The following MSH3 variants were observed in gnomAD, a reference collection of about 807,000 sequenced individuals.
MSH3 encodes mutS homolog 3.
Under a neutral mutation model 123.3 loss-of-function variants are expected in MSH3, and 106 were observed. The ratio of observed to expected loss-of-function variants is 0.86; its 90% CI spans 0.73 to 1.01. The LOEUF (loss-of-function observed/expected upper bound fraction) is 1.01. MSH3 is among the 50% of genes least tolerant of loss of function. The pLI is 0.00. For synonymous variants in MSH3, 515 were observed against 481.4 expected (o/e 1.07, Z -0.91); for missense variants, 1,459 against 1,347.6 (o/e 1.08, Z -1.29).
At chr5:80,751,173 C>T (rs954878505) in intron 12 of MSH3, among the ~76,000 whole-genome samples, 1 of 152,058 alleles carries the variant, frequency 6.6e-6, no homozygotes, top group Non-Finnish European at 1.5e-5. Context: ...GAGCATGTCT[C>T]AATAGGATGT....
chr5:80,803,509 C>A (rs1336904316), intron 19 of MSH3, among the ~76,000 whole-genome samples: 1 of 101,898 alleles, frequency 9.8e-6, no homozygotes, highest in African/African-American at 3.2e-5. Context: ...ATATTTTCTC[C>A]CATTCTGTGG....
intron 8 of MSH3, among the ~76,000 whole-genome samples, chr5:80,684,071 A>ATTTTGG (rs1750031015): frequency 6.6e-6 from 1 of 152,008 alleles, no homozygotes; most frequent in Non-Finnish European, 1.5e-5. Flanking sequence ...GTACCATGCC[A>ATTTTGG]TTTTGGTTAC....
intron 21 of MSH3, 30 bp downstream of exon 21, chr5:80,854,346 G>C (rs957327358): frequency 6.4e-7 from 1 of 1,573,602 alleles, no homozygotes; most frequent in Middle Eastern, 1.7e-4. Flanking sequence ...TATTTAAAAA[G>C]AAATTAATTT....
chr5:80,780,682 G>A (rs1744394829), intron 17 of MSH3, among the ~76,000 whole-genome samples: 1 of 152,146 alleles, frequency 6.6e-6, no homozygotes, highest in Admixed American at 6.5e-5. Context: ...GCCTGGCCAA[G>A]ATGGTGAAAC....
At chr5:80,858,159 C>T (rs1203012486) in intron 21 of MSH3, among the ~76,000 whole-genome samples, 1 of 152,174 alleles carries the variant, frequency 6.6e-6, no homozygotes, top group African/African-American at 2.4e-5. Flanking sequence ...ATCCTTCTGC[C>T]TCAGCCTCCC....
chr5:80,778,980 C>CTTTTTTTTTTTTTTTTTATTTT, intron 17 of MSH3, 144 bp downstream of exon 17: 1 of 393,994 alleles, frequency 2.5e-6, no homozygotes, highest in Non-Finnish European at 4.5e-6. Flanking sequence ...GATTTTATTT[C>CTTTTTTTTTTTTTTTTTATTTT]TTTTTTTTTT....
chr5:80,767,030 G>A (rs1177634391), intron 13 of MSH3, among the ~76,000 whole-genome samples: 1 of 152,046 alleles, frequency 6.6e-6, no homozygotes, highest in African/African-American at 2.4e-5. Context: ...TTCAATGTAT[G>A]TTGAAATTAT....
chr5:80,826,640 C>G (rs1185954294), intron 20 of MSH3, among the ~76,000 whole-genome samples: 1 of 150,998 alleles, frequency 6.6e-6, no homozygotes. Context: ...CCTCTACCTC[C>G]TGGGTTCAAG....
intron 3 of MSH3, among the ~76,000 whole-genome samples, chr5:80,668,903 C>T (rs745586664): frequency 4.6e-5 from 7 of 152,218 alleles, no homozygotes; most frequent in Non-Finnish European, 1.0e-4. Context: ...GGGGGCGAGG[C>T]TTCTTCCACC....
Position 80,654,813 on chromosome 5 carries a change from A to C in MSH3, c.86A>C (p.Gln29Pro). 2.5e-6 allele frequency: 4 copies of C among 1,605,700 alleles called. No homozygotes were observed. The highest frequency in any genetic ancestry group is 3.4e-6 in the Non-Finnish European group (4 of 1,177,010). Residue 29 changes from glutamine to proline, a missense_variant, in exon 1 of 24, where the codon CAG becomes CCG. Gln to Pro is a moderately conservative substitution (Grantham distance 76). Transcript: ENST00000265081. ...ARQAVLSRFF[Q>P]STGSLKSTSS... ...CAAGCGGTTTTGAGCCGATTCTTCC[A>C]GTCTACGGGAAGCCTGAAATCCACC...
intron 8 of MSH3, among the ~76,000 whole-genome samples, chr5:80,686,166 G>A (rs1750084205): frequency 6.6e-6 from 1 of 152,180 alleles, no homozygotes; most frequent in Non-Finnish European, 1.5e-5. Flanking sequence ...ACCATTGAAT[G>A]AAATGTTCTC....
chr5:80,697,349 T>C (rs1750506207), intron 8 of MSH3, among the ~76,000 whole-genome samples: 1 of 152,248 alleles, frequency 6.6e-6, no homozygotes, highest in African/African-American at 2.4e-5. Context: ...TTTACTTACC[T>C]GATATAATTT....
chr5:80,850,689 A>T (rs970975104), intron 20 of MSH3, among the ~76,000 whole-genome samples: 3 of 152,328 alleles, frequency 2.0e-5, no homozygotes, highest in South Asian at 4.2e-4. Context: ...CTCCCACAAC[A>T]TGTGGGAATT....
At chr5:80,737,269 T>C (rs1272006890) in intron 10 of MSH3, among the ~76,000 whole-genome samples, 1 of 152,226 alleles carries the variant, frequency 6.6e-6, no homozygotes, top group Non-Finnish European at 1.5e-5. Flanking sequence ...TGGTAGTTTT[T>C]GTCATTGTTT....
intron 15 of MSH3, among the ~76,000 whole-genome samples, chr5:80,771,333 G>A (rs1035934451): frequency 1.3e-5 from 2 of 152,014 alleles, no homozygotes; most frequent in African/African-American, 4.8e-5. Context: ...TATAAAATTA[G>A]CCAGGCATAG....
chr5:80,850,775 C>T (rs537416462), intron 20 of MSH3, among the ~76,000 whole-genome samples: 1 of 152,274 alleles, frequency 6.6e-6, no homozygotes, highest in African/African-American at 2.4e-5. Flanking sequence ...TTTTTATCCA[C>T]TTCCTCTATG....
At chr5:80,656,369 A>G (rs770591677) in intron 1 of MSH3, 42 bp from the exon 2 acceptor site, 8 of 1,612,782 alleles carry the variant, frequency 5.0e-6, no homozygotes, top group Middle Eastern at 1.7e-4. Context: ...AGGCCTTCTC[A>G]GAGTAGAGAT....
chr5:80,769,192 T>G (rs568496892), intron 15 of MSH3, among the ~76,000 whole-genome samples, 189 bp downstream of exon 15: 91 of 152,248 alleles, frequency 6.0e-4, no homozygotes, highest in Non-Finnish European at 1.1e-3. Context: ...TATTAGTCTC[T>G]TGTTAAAGTA....
intron 12 of MSH3, among the ~76,000 whole-genome samples, chr5:80,747,473 CA>C (rs1743743546): frequency 6.6e-6 from 1 of 152,172 alleles, no homozygotes; most frequent in Non-Finnish European, 1.5e-5. Flanking sequence ...TAGCCAAAAA[CA>C]AACACACGAA....
Sources: gnomAD v4.1 joint callset for allele counts (sites outside exome capture counted in the v4.1 genomes callset) on GRCh38, gnomAD v4.1.1 for gene constraint, MANE v1.5 for transcripts, NCBI Gene and HGNC (gene_info 2026-07-23, HGNC 2026-07-21) for gene names.